Variants in CALHM5 observed in about 807,000 individuals in gnomAD.
The protein encoded by CALHM5 is calcium homeostasis modulator protein 5.
Under a neutral mutation model 20.9 loss-of-function variants are expected in CALHM5, and 17 were observed. That is an observed-to-expected ratio of 0.82 (90% confidence interval 0.56 to 1.22). The LOEUF (loss-of-function observed/expected upper bound fraction) is 1.22, where lower values mean the gene tolerates loss of function less well. Ranked by LOEUF, CALHM5 falls within the 50% of genes most tolerant of loss-of-function variation. The pLI, the probability that CALHM5 is intolerant of heterozygous loss-of-function variation, is 0.00. For synonymous variants in CALHM5, 148 were observed against 140.0 expected (o/e 1.06, Z -0.40); for missense variants, 360 against 364.6 (o/e 0.99, Z 0.10).
chr6:116,515,953 G>A lies in CALHM5; in HGVS notation c.894G>A (p.Thr298=), dbSNP rs764951260. 2.7e-5 allele frequency: 44 copies of A among 1,609,942 alleles called. No individual in the cohort carries two copies. The highest frequency in any genetic ancestry group is 6.7e-5 in the East Asian group (3 of 44,770). The part of the protein sequence containing the change: ...GLQLSPEDDE[T]TMVLVGTAHN... Reference sequence around the variant, plus strand: ...AACTTAGCCCTGAGGATGATGAGACGACAATGGTCCTTGTGGGTACTGCCC... The same window carrying A: ...AACTTAGCCCTGAGGATGATGAGACAACAATGGTCCTTGTGGGTACTGCCC... The change falls in exon 2 of 2, where the codon ACG becomes ACA. Residue 298 remains threonine (T), a synonymous_variant. Coordinates refer to ENST00000368599, the MANE Select transcript of CALHM5 (RefSeq NM_153711.5).
rs1191857770 is a variant in CALHM5 at position 116,515,641 on chromosome 6, T to G, written c.582T>G (p.Ser194=). ...WCLICSASFF[S]LLTTCYARCR... Reference sequence around the variant, plus strand: ...TGATTTGTTCAGCGTCTTTCTTCTCTCTGCTCACCACATGTTATGCTCGCT... The same window carrying G: ...TGATTTGTTCAGCGTCTTTCTTCTCGCTGCTCACCACATGTTATGCTCGCT... The change falls in exon 2 of 2, where the codon TCT becomes TCG. Residue 194 remains serine (S), a synonymous_variant. Transcript: ENST00000368599. 1.2e-6 allele frequency: 2 copies of G among 1,613,724 alleles called. No individual in the cohort carries two copies. Among genetic ancestry groups the G allele is most frequent in the Non-Finnish European group, 1.7e-6 (2 of 1,179,824 alleles).
rs1173794164 is a variant in CALHM5, at chr6:116,524,085, T to A, written c.*8096T>A. 2.6e-5 allele frequency: 4 copies of A among 152,204 alleles called. No individual in the cohort carries two copies. Among genetic ancestry groups the A allele is most frequent in the Non-Finnish European group, 5.9e-5 (4 of 68,024 alleles). 9.4% of individuals were successfully genotyped at this position (152,204 alleles called of 1,614,324 possible). On this transcript the variant is annotated 3_prime_UTR_variant, in exon 2 of 2. Coordinates refer to ENST00000368599, the MANE Select transcript of CALHM5 (RefSeq NM_153711.5). Reference sequence around the variant, plus strand: ...TAATGGTGTGCCGATTTATGTTTTTTAAAAAGTTCTTCAGTTAGAGATGTA... The same window carrying A: ...TAATGGTGTGCCGATTTATGTTTTTAAAAAAGTTCTTCAGTTAGAGATGTA...
rs1200685614 is a variant in CALHM5, at chr6:116,521,491, G to C, written c.*5502G>C. Reference sequence around the variant, plus strand: ...ACTCCAGGAGACAGAGAAAAGATTGGTGACCCAACTCGAGTGGAGAGAGAG... The same window carrying C: ...ACTCCAGGAGACAGAGAAAAGATTGCTGACCCAACTCGAGTGGAGAGAGAG... On this transcript the variant is annotated 3_prime_UTR_variant, in exon 2 of 2. Coordinates refer to ENST00000368599, the MANE Select transcript of CALHM5 (RefSeq NM_153711.5). The C allele has an allele frequency of 6.6e-6, 1 of 150,776 alleles. No homozygotes were observed. The highest frequency in any genetic ancestry group is 1.5e-5 in the Non-Finnish European group (1 of 67,762). The allele number at this position is 150,776 out of a possible 1,614,324, so 9.3% of individuals were successfully genotyped here. A position where few individuals can be genotyped will look rare whatever the true frequency, so the allele number is the denominator to read the frequency against.
Position 116,516,702 on chromosome 6 carries a change from T to A in CALHM5, c.*713T>A. ...ATATATATATATATATATATATATA[T>A]ATATATACACACACACAGAAATATA... On this transcript the variant is annotated 3_prime_UTR_variant, in exon 2 of 2. Transcript: ENST00000368599. The A allele has an allele frequency of 8.0e-6, 1 of 125,314 alleles. No individual in the cohort carries two copies. Among genetic ancestry groups the A allele is most frequent in the South Asian group, 2.5e-4 (1 of 4,048 alleles). The allele number at this position is 125,314 out of a possible 1,614,324, so 7.8% of individuals were successfully genotyped here.
At chr6:116,512,446 G>A (rs908504944) in intron 1 of CALHM5, 6 of 545,516 alleles carry the variant, frequency 1.1e-5, no homozygotes, top group Middle Eastern at 5.0e-4. Flanking sequence ...TCTCTTTTCC[G>A]GTTCTGAAAA....
At position 116,511,809 on chromosome 6, in the gene CALHM5, C is replaced by A; in HGVS notation, c.113C>A (p.Ala38Asp). Residue 38 changes from alanine (A) to aspartate (D), a missense_variant, in exon 1 of 2, where the codon GCT becomes GAT. Coordinates refer to ENST00000368599, the MANE Select transcript of CALHM5 (RefSeq NM_153711.5). ...AGTGAGCGTCTCTTTTCTGTTGTGG[C>A]TTTTAAGTGCCCCTGCAGCACTGAG... Reference protein sequence around the residue: ...VGSERLFSVVAFKCPCSTENM... With the variant: ...VGSERLFSVVDFKCPCSTENM... 2 of 1,614,066 alleles carry A rather than the reference C, an allele frequency of 1.2e-6. No homozygotes were observed.
In CALHM5 at chr6:116,520,459, C is replaced by A. The variant is rs1562342353; in HGVS notation, c.*4470C>A. Reference sequence around the variant, plus strand: ...TGCTTGGACTTCTCTGATTTTAGATCCCAAAATCATTAAGAAAAAGCTAAG... The same window carrying A: ...TGCTTGGACTTCTCTGATTTTAGATACCAAAATCATTAAGAAAAAGCTAAG... On this transcript the variant is annotated 3_prime_UTR_variant, in exon 2 of 2. Transcript: ENST00000368599. 1 of 151,966 alleles carries A rather than the reference C, an allele frequency of 6.6e-6. No homozygotes were observed. The highest frequency in any genetic ancestry group is 1.5e-5 in the Non-Finnish European group (1 of 68,000). 9.4% of individuals were successfully genotyped at this position (151,966 alleles called of 1,614,324 possible). A position where few individuals can be genotyped will look rare whatever the true frequency, so the allele number is the denominator to read the frequency against.
rs1355721596 is a variant in CALHM5 at position 116,521,005 on chromosome 6, A to G, written c.*5016A>G. ...GGTCTCTCATTTTAATAAACATAAC[A>G]GTGGTATGTTAGTCAGGGTTCTCCA... On this transcript the variant is annotated 3_prime_UTR_variant, in exon 2 of 2. Coordinates refer to ENST00000368599, the MANE Select transcript of CALHM5 (RefSeq NM_153711.5). 2.6e-5 allele frequency: 4 copies of G among 151,864 alleles called. No individual in the cohort carries two copies. Among genetic ancestry groups the G allele is most frequent in the African/African-American group, 9.7e-5 (4 of 41,334 alleles). The allele number at this position is 151,864 out of a possible 1,614,324, so 9.4% of individuals were successfully genotyped here. A position where few individuals can be genotyped will look rare whatever the true frequency, so the allele number is the denominator to read the frequency against.
chr6:116,512,039 C>CT lies in CALHM5; in HGVS notation c.346dup (p.Ser116PhefsTer11). The CT allele has an allele frequency of 6.2e-7, 1 of 1,614,006 alleles. No individual in the cohort carries two copies. The highest frequency in any genetic ancestry group is 8.5e-7 in the Non-Finnish European group (1 of 1,179,990). ...CTCATTGGTGGCTCCAGTGATGTGGCTTTCTGTGGCTCTGCTCAATGGAAC... is the reference window on the plus strand; with the variant it reads ...CTCATTGGTGGCTCCAGTGATGTGGCTTTTCTGTGGCTCTGCTCAATGGAAC... On this transcript the variant is annotated frameshift_variant, in exon 1 of 2. Transcript: ENST00000368599. LOFTEE classifies it high-confidence loss of function.
At position 116,521,250 on chromosome 6, in the gene CALHM5, T is replaced by G. The variant is rs1034401025; in HGVS notation, c.*5261T>G. 2.0e-5 allele frequency: 3 copies of G among 152,062 alleles called. No homozygotes were observed. Among genetic ancestry groups the G allele is most frequent in the Non-Finnish European group, 2.9e-5 (2 of 68,022 alleles). 9.4% of individuals were successfully genotyped at this position (152,062 alleles called of 1,614,324 possible). ...TATATATATATGAAAGAGGATTTATTGTGGAAATTGGCTCATGTGATTATG... is the reference window on the plus strand; with the variant it reads ...TATATATATATGAAAGAGGATTTATGGTGGAAATTGGCTCATGTGATTATG... On this transcript the variant is annotated 3_prime_UTR_variant, in exon 2 of 2. Coordinates refer to ENST00000368599, the MANE Select transcript of CALHM5 (RefSeq NM_153711.5).
rs975650506 is a variant in CALHM5 at position 116,518,322 on chromosome 6, T to C, written c.*2333T>C. 1.3e-5 allele frequency: 2 copies of C among 152,152 alleles called. No individual in the cohort carries two copies. The highest frequency in any genetic ancestry group is 2.4e-5 in the African/African-American group (1 of 41,436). The allele number at this position is 152,152 out of a possible 1,614,324, so 9.4% of individuals were successfully genotyped here. A position where few individuals can be genotyped will look rare whatever the true frequency, so the allele number is the denominator to read the frequency against. On this transcript the variant is annotated 3_prime_UTR_variant, in exon 2 of 2. Transcript: ENST00000368599. ...TGAATTGTATGATATCCAGTTGGTA[T>C]TGGAGAATTGGCCAGTGTGGGAGAA... is the stretch of plus-strand genomic sequence containing the variant.
Position 116,515,581 on chromosome 6 carries a change from A to T in CALHM5, c.541-19A>T, listed in dbSNP as rs1188800613. On this transcript the variant is annotated intron_variant, in intron 1 of 1. Coordinates refer to ENST00000368599, the MANE Select transcript of CALHM5 (RefSeq NM_153711.5). Reference sequence around the variant, plus strand: ...GGCTTTGCTTTCACGTGTGTACTCAATATTTCTTTCTTCTTAAGATTCTAG... The same window carrying T: ...GGCTTTGCTTTCACGTGTGTACTCATTATTTCTTTCTTCTTAAGATTCTAG... 6.3e-7 allele frequency: 1 copy of T among 1,592,204 alleles called. No homozygotes were observed. Among genetic ancestry groups the T allele is most frequent in the African/African-American group, 1.4e-5 (1 of 73,866 alleles).
Position 116,515,799 on chromosome 6 carries a change from A to G in CALHM5, c.740A>G (p.Glu247Gly). 6.2e-7 allele frequency: 1 copy of G among 1,613,926 alleles called. No homozygotes were observed. Among genetic ancestry groups the G allele is most frequent in the Non-Finnish European group, 8.5e-7 (1 of 1,179,914 alleles). ...GAGAGGAACCTGAAATGTTTTTTTGAAAACAAGAGGCCAGATCCTTTTCCC... is the reference window on the plus strand; with the variant it reads ...GAGAGGAACCTGAAATGTTTTTTTGGAAACAAGAGGCCAGATCCTTTTCCC... ...LSERNLKCFF[E>G]NKRPDPFPMP... Residue 247 changes from glutamate to glycine, a missense_variant, in exon 2 of 2, where the codon GAA becomes GGA. Transcript: ENST00000368599.
chr6:116,524,578 T>C lies in CALHM5; in HGVS notation c.*8589T>C, dbSNP rs1772410473. 1 of 152,240 alleles carries C rather than the reference T, an allele frequency of 6.6e-6. No individual in the cohort carries two copies. The highest frequency in any genetic ancestry group is 1.5e-5 in the Non-Finnish European group (1 of 68,044). 9.4% of individuals were successfully genotyped at this position (152,240 alleles called of 1,614,324 possible). ...GAATATTGCTGAGGTGGCCACAGCC[T>C]GATTTCTGATGCCATCTCTATTTCT... On this transcript the variant is annotated 3_prime_UTR_variant, in exon 2 of 2. Transcript: ENST00000368599.
chr6:116,512,127 G>A lies in CALHM5; in HGVS notation c.431G>A (p.Gly144Asp), dbSNP rs1209203752. Residue 144 changes from glycine (G) to aspartate (D), a missense_variant, in exon 1 of 2, where the codon GGT (glycine) becomes GAT (aspartate). By Grantham distance (94) the Gly-to-Asp change is moderately conservative. Coordinates refer to ENST00000368599, the MANE Select transcript of CALHM5 (RefSeq NM_153711.5). The part of the protein sequence containing the change: ...SSGLLELICK[G>D]KPKECWEELH... ...GGACTCCTGGAACTGATTTGCAAGG[G>A]TAAGCCCAAAGAGTGCTGGGAAGAA... The A allele has an allele frequency of 6.2e-7, 1 of 1,613,980 alleles. No individual in the cohort carries two copies. The highest frequency in any genetic ancestry group is 1.7e-4 in the Middle Eastern group (1 of 6,060).
intron 1 of CALHM5, among the ~76,000 whole-genome samples, chr6:116,513,860 C>A (rs1214760752): frequency 6.6e-6 from 1 of 152,264 alleles, no homozygotes; most frequent in Admixed American, 6.5e-5. Flanking sequence ...TTGGAATTGT[C>A]TGGCGTTGGG....
At chr6:116,514,279 G>A (rs1485362831) in intron 1 of CALHM5, among the ~76,000 whole-genome samples, 9 of 152,140 alleles carry the variant, frequency 5.9e-5, no homozygotes, top group Admixed American at 5.2e-4. Flanking sequence ...ATGAGATGGC[G>A]TACAGAAGCC....
rs532608972 is a variant in CALHM5 at position 116,516,276 on chromosome 6, T to G, written c.*287T>G. On this transcript the variant is annotated 3_prime_UTR_variant, in exon 2 of 2. Transcript: ENST00000368599. Reference sequence around the variant, plus strand: ...TTTTATCATTCAACAGACAGACTCATGTGAGAGGGCTCATCAGTCTCTGTA... The same window carrying G: ...TTTTATCATTCAACAGACAGACTCAGGTGAGAGGGCTCATCAGTCTCTGTA... 1.6e-4 allele frequency: 46 copies of G among 280,856 alleles called. No individual in the cohort carries two copies. Among genetic ancestry groups the G allele is most frequent in the African/African-American group, 9.5e-4 (44 of 46,090 alleles). The allele number at this position is 280,856 out of a possible 1,614,324, so 17.4% of individuals were successfully genotyped here.
rs1342716314 is a variant in CALHM5, at chr6:116,521,329, G to T, written c.*5340G>T. ...CTGTAAGCTGGAGAATCAGGGAAAT[G>T]TGTAGGGTGGCTCAAGTCCCAGTCT... is the stretch of plus-strand genomic sequence containing the variant. On this transcript the variant is annotated 3_prime_UTR_variant, in exon 2 of 2. Transcript: ENST00000368599. The T allele has an allele frequency of 6.6e-6, 1 of 152,132 alleles. No individual in the cohort carries two copies. The allele number at this position is 152,132 out of a possible 1,614,324, so 9.4% of individuals were successfully genotyped here.
Sources: gnomAD v4.1 joint callset for allele counts (sites outside exome capture counted in the v4.1 genomes callset) on GRCh38, gnomAD v4.1.1 for gene constraint, MANE v1.5 for transcripts, NCBI Gene and HGNC (gene_info 2026-07-23, HGNC 2026-07-21) for gene names.